The following PCDHA11 variants were observed in gnomAD, a reference collection of about 807,000 sequenced individuals.
PCDHA11 encodes the protein protocadherin alpha-11.
PCDHA11 carries 61 observed loss-of-function variants against 70.3 expected under a neutral mutation model. The observed-to-expected ratio is 0.87, with a 90% confidence interval of 0.71 to 1.07. PCDHA11 has a LOEUF of 1.07. PCDHA11 is among the 50% of genes least tolerant of loss of function. The pLI, the probability that PCDHA11 is intolerant of heterozygous loss-of-function variation, is 0.00. For missense variants in PCDHA11, 1,324 were observed against 1,237.5 expected, an observed-to-expected ratio of 1.07 and a Z score of -1.05; for synonymous variants, 633 against 555.1, an observed-to-expected ratio of 1.14 and a Z score of -1.97.
At chr5:140,901,539 A>G (rs192107124) in intron 1 of PCDHA11, among the ~76,000 whole-genome samples, 2 of 152,070 alleles carry the variant, frequency 1.3e-5, no homozygotes, top group East Asian at 1.9e-4. Context: ...TTGGTTCTCT[A>G]TTCTGTTCCA....
intron 2 of PCDHA11, among the ~76,000 whole-genome samples, chr5:140,980,822 T>A (rs1433488208): frequency 6.6e-6 from 1 of 152,204 alleles, no homozygotes; most frequent in Non-Finnish European, 1.5e-5. Flanking sequence ...ACATATTAAA[T>A]GAGTTGTGAA....
In PCDHA11 at chr5:140,877,646, C is replaced by T. The variant is rs782472866; in HGVS notation, c.2391+6152C>T. 7 of 1,613,560 alleles carry T rather than the reference C, an allele frequency of 4.3e-6. No individual in the cohort carries two copies. The Admixed American group carries it at 6.7e-5, about 15-fold the overall frequency. On this transcript the variant is annotated intron_variant, in intron 1 of 3. Coordinates refer to ENST00000398640, the MANE Select transcript of PCDHA11 (RefSeq NM_018902.5). ...CTGTACACTGCGCTGCGTTGCTCAG[C>T]GCCGCCCACCGTGAGCCGGTGCGCG...
chr5:140,871,297 G>A lies in PCDHA11; in HGVS notation c.2194G>A (p.Ala732Thr), dbSNP rs781824958. 5.6e-6 allele frequency: 9 copies of A among 1,613,778 alleles called. No homozygotes were observed. The highest frequency in any genetic ancestry group is 5.3e-5 in the African/African-American group (4 of 74,940). ...GGCAACGCCCACTGAGGGCGCGTGC[G>A]CGCCGGGGAAGCCCACGCTGGTGTG... The part of the protein sequence containing the change: ...WSATPTEGAC[A>T]PGKPTLVCSR... The change falls in exon 1 of 4, where the codon GCG becomes ACG. Residue 732 changes from alanine to threonine, a missense_variant. Ala to Thr is a moderately conservative substitution (Grantham distance 58). Transcript: ENST00000398640.
intron 1 of PCDHA11, chr5:140,927,689 G>A (rs781972370): frequency 5.6e-6 from 9 of 1,614,064 alleles, no homozygotes; most frequent in African/African-American, 2.7e-5. Flanking sequence ...GGGTCCAATG[G>A]GGAAGTCCAG....
intron 1 of PCDHA11, among the ~76,000 whole-genome samples, chr5:140,974,022 A>G (rs1348109814): frequency 2.0e-5 from 3 of 152,248 alleles, no homozygotes; most frequent in African/African-American, 4.8e-5. Context: ...TGATAATACA[A>G]CTATAAATTT....
chr5:140,887,124 T>G (rs1554182893), intron 1 of PCDHA11, among the ~76,000 whole-genome samples: 2 of 151,068 alleles, frequency 1.3e-5, no homozygotes, highest in Admixed American at 6.6e-5. Flanking sequence ...TGAGACGGAG[T>G]CTCACTCTGT....
intron 1 of PCDHA11, chr5:140,968,996 G>T: frequency 1.2e-6 from 2 of 1,614,202 alleles, no homozygotes; most frequent in Non-Finnish European, 1.7e-6. Flanking sequence ...ATGCTGTGGA[G>T]GCTTCTGTGG....
chr5:141,009,690 T>G lies in PCDHA11; in HGVS notation c.2603T>G (p.Phe868Cys). The G allele has an allele frequency of 6.2e-7, 1 of 1,614,068 alleles. No homozygotes were observed. The highest frequency in any genetic ancestry group is 8.5e-7 in the Non-Finnish European group (1 of 1,180,024). The change falls in exon 4 of 4, where the codon TTT (phenylalanine) becomes TGT (cysteine). Residue 868 changes from phenylalanine to cysteine, a missense_variant. Phe to Cys is a radical substitution (Grantham distance 205). Coordinates refer to ENST00000398640, the MANE Select transcript of PCDHA11 (RefSeq NM_018902.5). ...GGTGTCAACAGCAACAGCTGGACCT[T>G]TAAATACGGACCAGGCAACCCCAAA... ...GAGVNSNSWT[F>C]KYGPGNPKQS...
chr5:140,904,047 A>C (rs1554191240), intron 1 of PCDHA11, among the ~76,000 whole-genome samples: 1 of 152,164 alleles, frequency 6.6e-6, no homozygotes, highest in Admixed American at 6.6e-5. Flanking sequence ...TAATTTTTTT[A>C]TTTCAATGGG....
At chr5:140,873,221 G>A (rs2054166323) in intron 1 of PCDHA11, among the ~76,000 whole-genome samples, 1 of 151,940 alleles carries the variant, frequency 6.6e-6, no homozygotes, top group African/African-American at 2.4e-5. Context: ...TTAAAGAGAA[G>A]GCAACAATAT....
intron 1 of PCDHA11, among the ~76,000 whole-genome samples, chr5:140,911,380 T>C (rs1365945638): frequency 4.6e-5 from 7 of 152,212 alleles, no homozygotes; most frequent in African/African-American, 1.7e-4. Flanking sequence ...AGGCTGTGCA[T>C]GCACCTTTCA....
intron 1 of PCDHA11, among the ~76,000 whole-genome samples, chr5:140,978,326 G>A: frequency 6.6e-6 from 1 of 152,202 alleles, no homozygotes; most frequent in East Asian, 1.9e-4. Flanking sequence ...ACAAGTACAA[G>A]TTTATGAAAA....
intron 1 of PCDHA11, among the ~76,000 whole-genome samples, chr5:140,976,181 A>G (rs1334452758): frequency 6.6e-6 from 1 of 152,208 alleles, no homozygotes; most frequent in Non-Finnish European, 1.5e-5. Flanking sequence ...ATTGTTTTAA[A>G]TCAATATCCT....
At chr5:140,928,074 C>CT in intron 1 of PCDHA11, 1 of 1,614,216 alleles carries the variant, frequency 6.2e-7, no homozygotes, top group Non-Finnish European at 8.5e-7. Context: ...TTGACAACTA[C>CT]TACAGCCTGC....
intron 1 of PCDHA11, among the ~76,000 whole-genome samples, chr5:140,930,847 A>G (rs1411771257): frequency 6.6e-6 from 1 of 152,224 alleles, no homozygotes; most frequent in Non-Finnish European, 1.5e-5. Context: ...AAATATGTGC[A>G]TATATGAATT....
intron 1 of PCDHA11, among the ~76,000 whole-genome samples, chr5:140,975,537 C>T (rs1554236874): frequency 6.6e-6 from 1 of 152,166 alleles, no homozygotes; most frequent in African/African-American, 2.4e-5. Context: ...ATTCTTAATA[C>T]AGTCCTATTA....
chr5:140,877,380 C>A, intron 1 of PCDHA11: 1 of 1,613,980 alleles, frequency 6.2e-7, no homozygotes, highest in Non-Finnish European at 8.5e-7. Context: ...CGACACGCAT[C>A]CTGGATGAGG....
At chr5:140,954,237 A>G (rs1442141242) in intron 1 of PCDHA11, among the ~76,000 whole-genome samples, 14 of 152,338 alleles carry the variant, frequency 9.2e-5, no homozygotes, top group Middle Eastern at 3.4e-3. Flanking sequence ...TAGTGCTGCA[A>G]TGAACATACA....
At chr5:140,941,321 T>C (rs1220701599) in intron 1 of PCDHA11, among the ~76,000 whole-genome samples, 5 of 62,540 alleles carry the variant, frequency 8.0e-5, no homozygotes, top group African/African-American at 2.0e-4. Context: ...TTCTTTCTCT[T>C]TTTTTTTTTT....
Sources: gnomAD v4.1 joint callset for allele counts (sites outside exome capture counted in the v4.1 genomes callset) on GRCh38, gnomAD v4.1.1 for gene constraint, MANE v1.5 for transcripts, NCBI Gene and HGNC (gene_info 2026-07-23, HGNC 2026-07-21) for gene names.